Variants in NOTCH2 observed in about 807,000 individuals in gnomAD.
NOTCH2 encodes neurogenic locus notch homolog protein 2.
Under a neutral mutation model 235.8 loss-of-function variants are expected in NOTCH2, and 29 were observed. The ratio of observed to expected loss-of-function variants is 0.12; its 90% confidence interval spans 0.09 to 0.17. NOTCH2 has a LOEUF of 0.17. NOTCH2 is among the 10% of genes least tolerant of loss of function. NOTCH2 has a pLI of 1.00. For missense variants in NOTCH2, 2,285 were observed against 3,150.2 expected, an observed-to-expected ratio of 0.73 and a Z score of 6.57; for synonymous variants, 1,086 against 1,141.5, an observed-to-expected ratio of 0.95 and a Z score of 0.98.
Position 119,925,793 on chromosome 1 carries a change from C to T in NOTCH2, c.4023G>A (p.Arg1341=), listed in dbSNP as rs1043834394. 1.2e-6 allele frequency: 2 copies of T among 1,613,978 alleles called. No individual in the cohort carries two copies. Among genetic ancestry groups the T allele is most frequent in the African/African-American group, 2.7e-5 (2 of 74,916 alleles). ...TCACTTGTCCACAGCTGCTCTGGCA[C>T]CTTGCCCCGGAAAATCCCTGTGGAA... ...CRCPPGFSGA[R]CQSSCGQVKC... The change falls in exon 25 of 34, where the codon AGG becomes AGA. Residue 1341 remains arginine, a synonymous_variant. Transcript: ENST00000256646.
chr1:119,940,485 C>T (rs1416646647), intron 19 of NOTCH2, 70 bp downstream of exon 19: 1 of 1,384,722 alleles, frequency 7.2e-7, no homozygotes, highest in Non-Finnish European at 1.0e-6. Context: ...CTTATTCAGA[C>T]TAGAAAGTGA....
intron 11 of NOTCH2, among the ~76,000 whole-genome samples, chr1:119,960,457 AAATATATTTGT>A (rs1272030757): frequency 2.7e-5 from 4 of 150,318 alleles, no homozygotes; most frequent in Non-Finnish European, 5.9e-5. Context: ...GATATTTGTG[AAATATATTTGT>A]AATATATTTC....
At chr1:119,936,900 T>G (rs1649872910) in intron 21 of NOTCH2, among the ~76,000 whole-genome samples, 2 of 151,976 alleles carry the variant, frequency 1.3e-5, no homozygotes, top group South Asian at 4.1e-4. Context: ...GATTAATGAC[T>G]AAATACAAAG....
At chr1:119,929,715 T>TA (rs1649590861) in intron 22 of NOTCH2, among the ~76,000 whole-genome samples, 1 of 152,242 alleles carries the variant, frequency 6.6e-6, no homozygotes, top group Non-Finnish European at 1.5e-5. Context: ...CATAGCCTTG[T>TA]AATGTCATAG....
intron 1 of NOTCH2, among the ~76,000 whole-genome samples, chr1:120,042,294 G>T (rs1306055978): frequency 1.2e-5 from 1 of 84,442 alleles, no homozygotes; most frequent in Non-Finnish European, 2.1e-5. Flanking sequence ...AAGAAAATCT[G>T]CAAAATTACA....
chr1:119,970,947 T>TA (rs1218396821), intron 5 of NOTCH2, among the ~76,000 whole-genome samples: 1 of 152,122 alleles, frequency 6.6e-6, no homozygotes, highest in Non-Finnish European at 1.5e-5. Context: ...GGCCTCCTAA[T>TA]AAAAAAAGAA....
At chr1:120,015,446 G>T (rs2604034) in intron 2 of NOTCH2, among the ~76,000 whole-genome samples, 6,829 of 148,318 alleles carry the variant, frequency 0.046, no homozygotes, top group African/African-American at 0.12. Flanking sequence ...AGTAACAAAG[G>T]TCTGCAGTTT....
chr1:119,977,572 C>T lies in NOTCH2; in HGVS notation c.875-7828G>A, dbSNP rs192808471. 7.2e-5 allele frequency among the ~76,000 whole-genome samples: 11 copies of T among 152,268 alleles called. No homozygotes were observed. In the East Asian group the frequency reaches 9.6e-4, roughly 13 times the overall value. ...TGACAGGAAACTAGGGGAGAAAGAG[C>T]GGGTTTTCTTTTTATTCCCCAACGT... is the stretch of plus-strand genomic sequence containing the variant. On this transcript the variant is annotated intron_variant, in intron 5 of 33. Coordinates refer to ENST00000256646, the MANE Select transcript of NOTCH2 (RefSeq NM_024408.4).
At chr1:120,002,185 T>C (rs2793914) in intron 3 of NOTCH2, among the ~76,000 whole-genome samples, 1 of 151,872 alleles carries the variant, frequency 6.6e-6, no homozygotes, top group Admixed American at 6.6e-5. Flanking sequence ...GAGGGAGGAA[T>C]GCTGCCACCA....
At chr1:119,986,360 A>G (rs782032542) in intron 5 of NOTCH2, among the ~76,000 whole-genome samples, 1 of 152,234 alleles carries the variant, frequency 6.6e-6, no homozygotes, top group Non-Finnish European at 1.5e-5. Context: ...AAGAGGCTGT[A>G]AAATTAAGCA....
In NOTCH2 at chr1:119,929,423, T is replaced by C. The variant is rs190917050; in HGVS notation, c.3656-211A>G. 9.3e-4 allele frequency among the ~76,000 whole-genome samples: 141 copies of C among 152,252 alleles called. 1 individual carries two copies. Among genetic ancestry groups the C allele is most frequent in the African/African-American group, 3.3e-3 (135 of 41,534 alleles). Reference sequence around the variant, plus strand: ...TGTACAAGTAAAGGAAAGAACATACTAGGGCTCCGCATGTACTCTCCCACA... The same window carrying C: ...TGTACAAGTAAAGGAAAGAACATACCAGGGCTCCGCATGTACTCTCCCACA... On this transcript the variant is annotated intron_variant, in intron 22 of 33. Transcript: ENST00000256646.
Position 119,943,618 on chromosome 1 carries a change from T to A in NOTCH2, c.2753-1864A>T, listed in dbSNP as rs782780311. The stretch of plus-strand genomic sequence containing the variant: ...AAAATGTTTTTTTAAAAAAGATTTT[T>A]AAAAAAATTCAGCATGGAACAATGT... On this transcript the variant is annotated intron_variant, in intron 17 of 33. Transcript: ENST00000256646. Among the ~76,000 whole-genome samples, 6 of 152,236 alleles carry A rather than the reference T, an allele frequency of 3.9e-5. No homozygotes were observed. The Middle Eastern group carries it at 0.014, about 345-fold the overall frequency.
chr1:120,023,073 C>T, intron 2 of NOTCH2, among the ~76,000 whole-genome samples: 1 of 151,814 alleles, frequency 6.6e-6, no homozygotes, highest in East Asian at 1.9e-4. Context: ...GCATTATAGA[C>T]TTTAACTTGC....
intron 5 of NOTCH2, among the ~76,000 whole-genome samples, chr1:119,971,663 C>G (rs1553200384): frequency 6.6e-6 from 1 of 152,110 alleles, no homozygotes; most frequent in Non-Finnish European, 1.5e-5. Context: ...GTAGGAGAAT[C>G]ACTTGTGCCA....
chr1:119,967,971 G>A, intron 7 of NOTCH2, 106 bp downstream of exon 7: 1 of 1,259,304 alleles, frequency 7.9e-7, no homozygotes. Context: ...AGTAATCTGA[G>A]GTTTGGGTGT....
chr1:119,974,785 G>A (rs587742465), intron 5 of NOTCH2, among the ~76,000 whole-genome samples: 1 of 152,224 alleles, frequency 6.6e-6, no homozygotes, highest in South Asian at 2.1e-4. Flanking sequence ...CTCCACCATT[G>A]CATCATTCCA....
rs1653185640 is a variant in NOTCH2, at chr1:120,011,386, G to T, written c.156-5798C>A. Among the ~76,000 whole-genome samples, 3 of 152,168 alleles carry T rather than the reference G, an allele frequency of 2.0e-5. No individual in the cohort carries two copies. The South Asian group carries it at 6.2e-4, about 32-fold the overall frequency. ...GCTTCTCTTACACGTAGCCCTTCAA[G>T]AATCTGAAGACAGTTATGTGGGCCT... On this transcript the variant is annotated intron_variant, in intron 2 of 33. Coordinates refer to ENST00000256646, the MANE Select transcript of NOTCH2 (RefSeq NM_024408.4).
In NOTCH2 at chr1:119,916,714, C is replaced by T. The variant is rs753395652; in HGVS notation, c.6028-20G>A. 4.3e-6 allele frequency: 7 copies of T among 1,613,140 alleles called. No homozygotes were observed. The highest frequency in any genetic ancestry group is 2.2e-5 in the East Asian group (1 of 44,896). ...CTCTTCCTACAGAAAAGGCCCATCACAGAACACATGTTAATAACACTCTTG... is the reference window on the plus strand; with the variant it reads ...CTCTTCCTACAGAAAAGGCCCATCATAGAACACATGTTAATAACACTCTTG... On this transcript the variant is annotated intron_variant, in intron 33 of 33. Coordinates refer to ENST00000256646, the MANE Select transcript of NOTCH2 (RefSeq NM_024408.4).
In NOTCH2 at chr1:120,069,416, C is replaced by T; in HGVS notation, c.-10G>A. On this transcript the variant is annotated 5_prime_UTR_variant, in exon 1 of 34. Coordinates refer to ENST00000256646, the MANE Select transcript of NOTCH2 (RefSeq NM_024408.4). Reference sequence around the variant, plus strand: ...GGCGCAGGGCGGGCATCTTCTCGGTCGCCTCCTCCTCCGCCGCCGCCGCCG... The same window carrying T: ...GGCGCAGGGCGGGCATCTTCTCGGTTGCCTCCTCCTCCGCCGCCGCCGCCG... 4 of 1,541,026 alleles carry T rather than the reference C, an allele frequency of 2.6e-6. No homozygotes were observed. Among genetic ancestry groups the T allele is most frequent in the Non-Finnish European group, 2.6e-6 (3 of 1,151,622 alleles).
Sources: gnomAD v4.1 joint callset for allele counts (sites outside exome capture counted in the v4.1 genomes callset) on GRCh38, gnomAD v4.1.1 for gene constraint, MANE v1.5 for transcripts, NCBI Gene and HGNC (gene_info 2026-07-23, HGNC 2026-07-21) for gene names.